Variants in DENND5A observed in about 807,000 individuals in gnomAD.
DENND5A encodes DENN domain-containing protein 5A.
Under a neutral mutation model 140.3 loss-of-function variants are expected in DENND5A, and 64 were observed. The observed-to-expected ratio is 0.46, with a 90% CI of 0.37 to 0.56. The LOEUF (loss-of-function observed/expected upper bound fraction) is 0.56, where lower values mean the gene tolerates loss of function less well. Ranked by LOEUF, DENND5A falls within the 20% of genes least tolerant of loss-of-function variation. The pLI, the probability that DENND5A is intolerant of heterozygous loss-of-function variation, is 0.00. For synonymous variants in DENND5A, 605 were observed against 607.7 expected, an observed-to-expected ratio of 1.00 and a Z score of 0.07; for missense variants, 1,292 against 1,593.8, an observed-to-expected ratio of 0.81 and a Z score of 3.22.
intron 11 of DENND5A, among the ~76,000 whole-genome samples, chr11:9,162,766 T>C (rs1320826823): frequency 6.6e-6 from 1 of 152,076 alleles, no homozygotes; most frequent in Non-Finnish European, 1.5e-5. Context: ...AGTGGCTCGA[T>C]CATGGTTCAC....
rs539261029 is a variant in DENND5A, at chr11:9,143,568, G to A, written c.3305-83C>T. The A allele has an allele frequency of 2.0e-5, 23 of 1,169,446 alleles. No individual in the cohort carries two copies. The African/African-American group carries it at 2.9e-4, about 15-fold the overall frequency. 72.4% of individuals were successfully genotyped at this position (1,169,446 alleles called of 1,614,324 possible). On this transcript the variant is annotated intron_variant, in intron 19 of 22. Coordinates refer to ENST00000328194, the MANE Select transcript of DENND5A (RefSeq NM_015213.4). ...GCCTGAGCAGGAGACTGAGGACACG[G>A]GGAGGGCCCATAGGAGAGGCAGGGC...
chr11:9,159,407 G>T (rs1352426573), intron 12 of DENND5A, among the ~76,000 whole-genome samples: 3 of 148,224 alleles, frequency 2.0e-5, no homozygotes, highest in Non-Finnish European at 1.5e-5. Flanking sequence ...TGCAACCTCT[G>T]CCTCCTGGGT....
rs778359311 is a variant in DENND5A, at chr11:9,141,956, C to A, written c.3664G>T (p.Val1222Leu). 1 of 1,597,980 alleles carries A rather than the reference C, an allele frequency of 6.3e-7. No individual in the cohort carries two copies. The highest frequency in any genetic ancestry group is 1.3e-5 in the African/African-American group (1 of 74,790). The change falls in exon 22 of 23, where the codon GTG (valine) becomes TTG (leucine). Residue 1222 changes from valine (V) to leucine (L), a missense_variant. Coordinates refer to ENST00000328194, the MANE Select transcript of DENND5A (RefSeq NM_015213.4). ...CTGCAGTACCTGGCTCCCAAGCACA[C>A]CAGCATCTGAAACTTGCCATCCTTG... ...IGKDGKFQML[V>L]CLGARDHLLH...
chr11:9,192,789 C>G (rs1163718003), intron 5 of DENND5A, among the ~76,000 whole-genome samples: 5 of 152,174 alleles, frequency 3.3e-5, no homozygotes, highest in Non-Finnish European at 7.4e-5. Context: ...AAAGCACTTC[C>G]CTGCAGGTAG....
At chr11:9,175,806 C>T (rs547881917) in intron 8 of DENND5A, 1 of 152,196 alleles carries the variant, frequency 6.6e-6, no homozygotes, top group South Asian at 2.1e-4. Flanking sequence ...ATACTACTTA[C>T]AAAATTAACT....
chr11:9,230,825 C>G (rs149285750), intron 1 of DENND5A, among the ~76,000 whole-genome samples: 95 of 152,030 alleles, frequency 6.2e-4, no homozygotes, highest in African/African-American at 2.2e-3. Context: ...AGACCGGTCT[C>G]TACAAAGAAA....
At position 9,180,960 on chromosome 11, in the gene DENND5A, G is replaced by A; in HGVS notation, c.1262C>T (p.Pro421Leu). The change falls in exon 6 of 23, where the codon CCC (proline) becomes CTC (leucine). Residue 421 changes from proline to leucine, a missense_variant. Pro to Leu is a moderately conservative substitution (Grantham distance 98, BLOSUM62 -3). Around this residue, in one of 4 missense-constraint regions of DENND5A, gnomAD observed 566 missense variants for 650.4 expected, o/e 0.87. Coordinates refer to ENST00000328194, the MANE Select transcript of DENND5A (RefSeq NM_015213.4). ...VSEILMAFGIPPEGNLHCSES... is the reference protein window; with the variant it reads ...VSEILMAFGILPEGNLHCSES... ...ACTGCAATGAAGATTCCCTTCAGGG[G>A]GAATTCCAAATGCCATGAGAATCTC... 1 of 1,614,142 alleles carries A rather than the reference G, an allele frequency of 6.2e-7. No individual in the cohort carries two copies. Among genetic ancestry groups the A allele is most frequent in the African/African-American group, 1.3e-5 (1 of 75,026 alleles).
At chr11:9,204,608 A>G (rs1849634661) in intron 3 of DENND5A, among the ~76,000 whole-genome samples, 1 of 152,194 alleles carries the variant, frequency 6.6e-6, no homozygotes, top group Non-Finnish European at 1.5e-5. Flanking sequence ...CACACCTGTA[A>G]TCCCAGCATT....
At chr11:9,243,452 T>A (rs1374173346) in intron 1 of DENND5A, among the ~76,000 whole-genome samples, 1 of 152,138 alleles carries the variant, frequency 6.6e-6, no homozygotes, top group East Asian at 1.9e-4. Context: ...TGGGTACACT[T>A]ATACATAGAT....
intron 9 of DENND5A, chr11:9,170,233 T>C (rs1232373810): frequency 2.1e-5 from 20 of 972,482 alleles, no homozygotes; most frequent in Non-Finnish European, 2.3e-5. Context: ...TGGGCTTTGA[T>C]ACAGTCATCT....
At chr11:9,238,384 C>G (rs1435252579) in intron 1 of DENND5A, among the ~76,000 whole-genome samples, 1 of 150,176 alleles carries the variant, frequency 6.7e-6, no homozygotes, top group Non-Finnish European at 1.5e-5. Flanking sequence ...AAGCTATATA[C>G]TTATATACTT....
intron 11 of DENND5A, among the ~76,000 whole-genome samples, chr11:9,165,445 C>A (rs1001530201): frequency 5.9e-5 from 7 of 118,842 alleles, no homozygotes; most frequent in African/African-American, 2.7e-4. Flanking sequence ...ATTATATTAA[C>A]GATTTTTTTT....
Position 9,153,942 on chromosome 11 carries a change from T to G in DENND5A, c.2437-1500A>C, listed in dbSNP as rs78806010. On this transcript the variant is annotated intron_variant, in intron 12 of 22. Transcript: ENST00000328194. The stretch of plus-strand genomic sequence containing the variant: ...CCAGCTGGTCACCCAGCAACTGCTT[T>G]GTCTCTTTCTAATCATCGTTCAGTA... 6.6e-3 allele frequency among the ~76,000 whole-genome samples: 1,012 copies of G among 152,380 alleles called. 7 individuals carry two copies. Among genetic ancestry groups the G allele is most frequent in the African/African-American group, 0.023 (957 of 41,594 alleles).
At chr11:9,146,498 ACTGGGACTCACAG>A (rs1847435525) in intron 16 of DENND5A, among the ~76,000 whole-genome samples, 1 of 152,196 alleles carries the variant, frequency 6.6e-6, no homozygotes, top group Non-Finnish European at 1.5e-5. Flanking sequence ...AAATAGAGAG[ACTGGGACTCACAG>A]CAGGATAGAC....
intron 1 of DENND5A, among the ~76,000 whole-genome samples, chr11:9,247,423 G>A (rs1324206769): frequency 2.6e-5 from 4 of 151,960 alleles, no homozygotes; most frequent in East Asian, 1.9e-4. Flanking sequence ...ACAACTCTGA[G>A]ACAAAGGAGT....
At position 9,239,234 on chromosome 11, in the gene DENND5A, G is replaced by A. The variant is rs143334357; in HGVS notation, c.109+25727C>T. Among the ~76,000 whole-genome samples the A allele has an allele frequency of 9.0e-3, 1,365 of 151,170 alleles. 7 individuals carry two copies. Among genetic ancestry groups the A allele is most frequent in the Middle Eastern group, 0.042 (12 of 288 alleles). On this transcript the variant is annotated intron_variant, in intron 1 of 22. Coordinates refer to ENST00000328194, the MANE Select transcript of DENND5A (RefSeq NM_015213.4). ...ATTTAAGAGACAGGAGCCTCACAAC[G>A]TTGCCCACGCTGGACTCAAATTCAC...
intron 1 of DENND5A, among the ~76,000 whole-genome samples, chr11:9,215,112 C>T (rs1361003985): frequency 1.3e-5 from 2 of 152,176 alleles, no homozygotes; most frequent in African/African-American, 2.4e-5. Context: ...AAGAGAAACC[C>T]TGTTACTCCT....
chr11:9,222,897 G>A (rs1850370318), intron 1 of DENND5A, among the ~76,000 whole-genome samples: 1 of 152,210 alleles, frequency 6.6e-6, no homozygotes, highest in Non-Finnish European at 1.5e-5. Context: ...GTTGCCACAA[G>A]CTCTTGCTAT....
intron 10 of DENND5A, among the ~76,000 whole-genome samples, chr11:9,166,745 T>C (rs1282506312): frequency 2.6e-5 from 4 of 151,916 alleles, no homozygotes; most frequent in Middle Eastern, 6.3e-3. Flanking sequence ...GGCAGGAGAA[T>C]TGCTTGAACC....
Sources: gnomAD v4.1 joint callset for allele counts (sites outside exome capture counted in the v4.1 genomes callset) on GRCh38, gnomAD v4.1.1 for gene constraint, gnomAD v4.1.1 regional missense constraint, MANE v1.5 for transcripts, NCBI Gene and HGNC (gene_info 2026-07-23, HGNC 2026-07-21) for gene names.